SNAP47: variants seen among roughly 807,000 people sequenced by gnomAD.
The protein encoded by SNAP47 is synaptosome associated protein 47.
In SNAP47, 20 loss-of-function variants were observed where a neutral mutation model predicts 31.4. That is an observed-to-expected ratio of 0.64 (90% CI 0.45 to 0.93). The LOEUF (loss-of-function observed/expected upper bound fraction) is 0.93, where lower values mean the gene tolerates loss of function less well. SNAP47 is among the 40% of genes least tolerant of loss of function. The probability of loss-of-function intolerance (pLI) is 0.00; values close to 1 mark genes in which losing one functional copy is unlikely to be tolerated. For missense variants in SNAP47, 492 were observed against 528.5 expected (o/e 0.93, Z 0.68); for synonymous variants, 194 against 213.4 (o/e 0.91, Z 0.79).
intron 4 of SNAP47, among the ~76,000 whole-genome samples, chr1:227,768,802 C>T (rs896280740): frequency 2.0e-5 from 3 of 152,218 alleles, no homozygotes; most frequent in Admixed American, 6.5e-5. Context: ...TGATTCTTTC[C>T]CAGCCATCCT....
rs761268793 is a variant in SNAP47, at chr1:227,748,104, C to T, written c.368C>T (p.Thr123Met). Residue 123 changes from threonine (T) to methionine (M), a missense_variant, in exon 2 of 5, where the codon ACG (threonine) becomes ATG (methionine). Thr to Met is a moderately conservative substitution (Grantham distance 81). Coordinates refer to ENST00000617596, the MANE Select transcript of SNAP47 (RefSeq NM_053052.4). ...SVPRTRGEEL[T>M]GLMAGSQKRL... ...CCAAGGACCCGGGGCGAGGAGCTGA[C>T]GGGACTCATGGCTGGATCCCAGAAA... The T allele has an allele frequency of 2.0e-5, 33 of 1,613,936 alleles. No homozygotes were observed. The East Asian group carries it at 4.5e-4, about 22-fold the overall frequency.
At chr1:227,754,231 C>A (rs909758538) in intron 2 of SNAP47, among the ~76,000 whole-genome samples, 3 of 152,256 alleles carry the variant, frequency 2.0e-5, no homozygotes, top group Non-Finnish European at 2.9e-5. Flanking sequence ...GGCCTACAGC[C>A]GTGCTGGTGC....
chr1:227,732,818 G>A (rs1012659095), upstream of SNAP47: 4 of 1,603,702 alleles, frequency 2.5e-6, no homozygotes, highest in Admixed American at 3.4e-5. Flanking sequence ...GACCAAGGGA[G>A]TCTGAGCCAT....
In SNAP47 at chr1:227,780,677, C is replaced by T; in HGVS notation, c.*4C>T. On this transcript the variant is annotated 3_prime_UTR_variant, in exon 5 of 5. Transcript: ENST00000617596. ...GCGGATGAAGAGGCTGACCTAGGGG[C>T]AGAACGTCCCTGCATTCCTGTCTCA... The T allele has an allele frequency of 6.2e-7, 1 of 1,614,012 alleles. No homozygotes were observed. The highest frequency in any genetic ancestry group is 8.5e-7 in the Non-Finnish European group (1 of 1,179,952).
chr1:227,735,005 G>T (rs1432316610), upstream of SNAP47: 1 of 1,520,548 alleles, frequency 6.6e-7, no homozygotes, highest in African/African-American at 1.4e-5. Context: ...TGCGGCCGCC[G>T]CCCCACCGTA....
chr1:227,759,570 A>G lies in SNAP47; in HGVS notation c.988+85A>G, dbSNP rs75576061. 2.8e-3 allele frequency: 4,230 copies of G among 1,532,512 alleles called. 97 individuals carry two copies. In the African/African-American group the frequency reaches 0.051, roughly 18 times the overall value. 94.9% of individuals were successfully genotyped at this position (1,532,512 alleles called of 1,614,324 possible). A position where few individuals can be genotyped will look rare whatever the true frequency, so the allele number is the denominator to read the frequency against. ...AGCACGCCTGTGGGAAATGCCTAACAGATGCGTCACCTAGAGCAGCTGCTG... is the reference window on the plus strand; with the variant it reads ...AGCACGCCTGTGGGAAATGCCTAACGGATGCGTCACCTAGAGCAGCTGCTG... On this transcript the variant is annotated intron_variant, in intron 3 of 4. Transcript: ENST00000617596.
chr1:227,752,831 CAG>C (rs76511120), intron 2 of SNAP47, among the ~76,000 whole-genome samples: 11,996 of 152,238 alleles, frequency 0.079, 622 homozygotes, highest in Middle Eastern at 0.21. Context: ...GTGAAACCTG[CAG>C]AGTCTCAGAT....
At chr1:227,778,153 G>C (rs1041542701) in intron 4 of SNAP47, among the ~76,000 whole-genome samples, 4 of 152,222 alleles carry the variant, frequency 2.6e-5, no homozygotes, top group Non-Finnish European at 5.9e-5. Flanking sequence ...TGTCACTGAT[G>C]GTGCCAGCCT....
chr1:227,757,690 A>G (rs141256044), intron 2 of SNAP47, among the ~76,000 whole-genome samples: 179 of 152,372 alleles, frequency 1.2e-3, no homozygotes, highest in South Asian at 7.7e-3. Context: ...GAGATCTGCA[A>G]TAACTAATGT....
intron 3 of SNAP47, among the ~76,000 whole-genome samples, chr1:227,760,155 A>C (rs921377110): frequency 1.3e-5 from 2 of 152,168 alleles, no homozygotes; most frequent in Non-Finnish European, 2.9e-5. Flanking sequence ...TACGACACAG[A>C]AAGGGCTTTC....
intron 4 of SNAP47, among the ~76,000 whole-genome samples, chr1:227,777,448 A>C (rs1664229784): frequency 6.6e-6 from 1 of 152,130 alleles, no homozygotes; most frequent in Non-Finnish European, 1.5e-5. Flanking sequence ...GACGGGCTTC[A>C]TGCCTCCCTG....
In SNAP47 at chr1:227,780,610, A is replaced by C; in HGVS notation, c.1197A>C (p.Ala399=). The stretch of plus-strand genomic sequence containing the variant: ...ACGAAGCCCTGGATGGCGTTGCAGC[A>C]GCTGTGGACAGGGCAACCTTGACCA... ...RQDEALDGVA[A]AVDRATLTID... Residue 399 remains alanine (A), a synonymous_variant, in exon 5 of 5, where the codon GCA becomes GCC. Transcript: ENST00000617596. 9 of 1,614,224 alleles carry C rather than the reference A, an allele frequency of 5.6e-6. No homozygotes were observed. Among genetic ancestry groups the C allele is most frequent in the Non-Finnish European group, 6.8e-6 (8 of 1,180,040 alleles).
chr1:227,735,867 GGTGGGACCTGGAGGGGATGGGGACA>G, intron 1 of SNAP47: 1 of 387,308 alleles, frequency 2.6e-6, no homozygotes, highest in South Asian at 1.0e-4. Context: ...TGGAGGGGAC[GGTGGGACCTGGAGGGGATGGGGACA>G]GTGGGGACCT....
chr1:227,758,249 C>T (rs145880169), intron 2 of SNAP47, among the ~76,000 whole-genome samples: 52 of 152,284 alleles, frequency 3.4e-4, no homozygotes, highest in Admixed American at 1.7e-3. Flanking sequence ...AAGCTGGGGA[C>T]GCTGAGTCCC....
intron 4 of SNAP47, chr1:227,777,268 C>T (rs538393625): frequency 2.9e-5 from 8 of 280,474 alleles, no homozygotes; most frequent in East Asian, 1.7e-4. Flanking sequence ...GTCACTAGCA[C>T]GGCCAGTATC....
chr1:227,765,030 A>G (rs529422193), intron 3 of SNAP47, among the ~76,000 whole-genome samples: 4 of 151,460 alleles, frequency 2.6e-5, no homozygotes, highest in Admixed American at 6.6e-5. Context: ...GTGACATGCT[A>G]TCTCTACAAA....
At chr1:227,733,996 C>T, upstream of SNAP47, 1 of 1,613,846 alleles carries the variant, frequency 6.2e-7, no homozygotes, top group Non-Finnish European at 8.5e-7. Context: ...ACGAGAAGTA[C>T]ACAGGCAGGG....
chr1:227,766,844 T>C (rs1663435592), intron 3 of SNAP47, 115 bp from the exon 4 acceptor site: 1 of 1,454,700 alleles, frequency 6.9e-7, no homozygotes, highest in South Asian at 1.3e-5. Context: ...GAAGCAGTCC[T>C]GCGTGTGGTG....
chr1:227,761,055 T>C (rs1442998929), intron 3 of SNAP47, among the ~76,000 whole-genome samples: 1 of 152,252 alleles, frequency 6.6e-6, no homozygotes, highest in Non-Finnish European at 1.5e-5. Context: ...GCCTATGTAT[T>C]GTGCATGTAT....
Sources: gnomAD v4.1 joint callset for allele counts (sites outside exome capture counted in the v4.1 genomes callset) on GRCh38, gnomAD v4.1.1 for gene constraint, MANE v1.5 for transcripts, NCBI Gene and HGNC (gene_info 2026-07-23, HGNC 2026-07-21) for gene names.